UFD1: variants seen among roughly 807,000 people sequenced by gnomAD.
UFD1 encodes the protein ubiquitin recognition factor in ER-associated degradation protein 1.
Under a neutral mutation model 45.9 loss-of-function variants are expected in UFD1, and 13 were observed. The observed-to-expected ratio is 0.28, with a 90% confidence interval of 0.18 to 0.45. The LOEUF (loss-of-function observed/expected upper bound fraction) is 0.45. UFD1 is among the 20% of genes least tolerant of loss of function. UFD1 has a pLI of 1.00. For missense variants in UFD1, 218 were observed against 389.2 expected, an observed-to-expected ratio of 0.56 and a Z score of 3.70; for synonymous variants, 128 against 139.2, an observed-to-expected ratio of 0.92 and a Z score of 0.56.
Position 19,454,978 on chromosome 22 carries a change from G to A in UFD1, c.768-148C>T. 6 of 908,422 alleles carry A rather than the reference G, an allele frequency of 6.6e-6. No individual in the cohort carries two copies. In the South Asian group the frequency reaches 1.1e-4, roughly 16 times the overall value. The allele number at this position is 908,422 out of a possible 1,614,324, so 56.3% of individuals were successfully genotyped here. ...TTCCTGGCATCCTCCCAGGAGGGAA[G>A]CAGAAAGTAACTGACTTCTTGGTTT... On this transcript the variant is annotated intron_variant, in intron 10 of 11. Coordinates refer to ENST00000263202, the MANE Select transcript of UFD1 (RefSeq NM_005659.7).
intron 3 of UFD1, among the ~76,000 whole-genome samples, chr22:19,472,176 C>A (rs1329215276): frequency 6.6e-6 from 1 of 152,122 alleles, no homozygotes; most frequent in Non-Finnish European, 1.5e-5. Context: ...GCTGCAGGTG[C>A]TGTGGGAAGA....
At chr22:19,455,404 C>T (rs1229950724) in intron 10 of UFD1, among the ~76,000 whole-genome samples, 1 of 152,166 alleles carries the variant, frequency 6.6e-6, no homozygotes, top group African/African-American at 2.4e-5. Flanking sequence ...TCTAATCAGA[C>T]TCGCATCTTA....
At chr22:19,468,084 CCCGTCTTACTTGGGTCCTTGGAA>C in intron 4 of UFD1, 81 bp from the exon 5 acceptor site, 3 of 1,549,776 alleles carry the variant, frequency 1.9e-6, no homozygotes, top group Non-Finnish European at 2.6e-6. Context: ...ACTGGGCAGG[CCCGTCTTACTTGGGTCCTTGGAA>C]GAGGAACCTG....
In UFD1 at chr22:19,475,467, T is replaced by C; in HGVS notation, c.136+3A>G. 1 of 1,613,806 alleles carries C rather than the reference T, an allele frequency of 6.2e-7. No homozygotes were observed. The highest frequency in any genetic ancestry group is 8.5e-7 in the Non-Finnish European group (1 of 1,179,824). ...TACTATTCAAATAAAAACAAGCACA[T>C]ACTCTTCCCTCCTTTCTCCACATCT... On this transcript the variant is annotated splice_donor_region_variant and intron_variant, in intron 2 of 11. Coordinates refer to ENST00000263202, the MANE Select transcript of UFD1 (RefSeq NM_005659.7).
chr22:19,454,715 T>C, intron 11 of UFD1, 34 bp downstream of exon 11: 1 of 1,613,584 alleles, frequency 6.2e-7, no homozygotes, highest in Non-Finnish European at 8.5e-7. Flanking sequence ...ATCTCCTCAT[T>C]ACCAACCAAG....
chr22:19,449,939 T>A lies in UFD1; in HGVS notation c.*731A>T, dbSNP rs1179563527. ...GCTTGGATGATTTAATAAATTAAAA[T>A]TGGGAGTTGGGGAGTAGGGAAGAAG... On this transcript the variant is annotated 3_prime_UTR_variant, in exon 12 of 12. Transcript: ENST00000263202. The A allele has an allele frequency of 1.3e-5, 2 of 152,148 alleles. No homozygotes were observed. 9.4% of individuals were successfully genotyped at this position (152,148 alleles called of 1,614,324 possible). A position where few individuals can be genotyped will look rare whatever the true frequency, so the allele number is the denominator to read the frequency against.
intron 4 of UFD1, chr22:19,470,909 C>T (rs2089840129): frequency 2.2e-6 from 1 of 447,444 alleles, no homozygotes; most frequent in Non-Finnish European, 4.5e-6. Context: ...GCCCACAGCT[C>T]ACTGCGGGGT....
At chr22:19,452,977 A>C (rs1408639408) in intron 11 of UFD1, 11 of 939,046 alleles carry the variant, frequency 1.2e-5, no homozygotes, top group Non-Finnish European at 1.4e-5. Context: ...TGGGGAAACT[A>C]TTTCCCTGAT....
Position 19,454,850 on chromosome 22 carries a change from C to G in UFD1, c.768-20G>C. ...ATTCCTCTGTAAGAAGAGACAGAGACAGAGAAATGTTATTTCCAGGAAAAA... is the reference window on the plus strand; with the variant it reads ...ATTCCTCTGTAAGAAGAGACAGAGAGAGAGAAATGTTATTTCCAGGAAAAA... On this transcript the variant is annotated intron_variant, in intron 10 of 11. Transcript: ENST00000263202. 1 of 1,606,092 alleles carries G rather than the reference C, an allele frequency of 6.2e-7. No homozygotes were observed. Among genetic ancestry groups the G allele is most frequent in the Non-Finnish European group, 8.5e-7 (1 of 1,176,968 alleles).
chr22:19,451,920 C>T, intron 11 of UFD1: 1 of 985,438 alleles, frequency 1.0e-6, no homozygotes, highest in Non-Finnish European at 1.2e-6. Context: ...TTAGTGGGGG[C>T]TCCTTATTTC....
At chr22:19,460,918 A>AT (rs1326330376) in intron 6 of UFD1, among the ~76,000 whole-genome samples, 1 of 151,750 alleles carries the variant, frequency 6.6e-6, no homozygotes, top group South Asian at 2.1e-4. Flanking sequence ...TAATTTTAAA[A>AT]TTTTTTCATT....
chr22:19,451,070 G>A (rs1414096586), intron 11 of UFD1: 4 of 1,013,854 alleles, frequency 3.9e-6, no homozygotes, highest in Non-Finnish European at 4.7e-6. Flanking sequence ...AGCTATGATT[G>A]TGCCACTGCT....
chr22:19,465,802 C>A (rs2089797784), intron 5 of UFD1: 1 of 152,300 alleles, frequency 6.6e-6, no homozygotes, highest in Non-Finnish European at 1.5e-5. Context: ...TAGGTCCTCT[C>A]AAAAGTTCCT....
chr22:19,471,095 C>G (rs1323783994), intron 4 of UFD1: 1 of 451,124 alleles, frequency 2.2e-6, no homozygotes, highest in Non-Finnish European at 4.5e-6. Flanking sequence ...AGCACTGGCA[C>G]AGTTCTGCTC....
intron 3 of UFD1, among the ~76,000 whole-genome samples, chr22:19,473,719 CACT>C (rs2089862122): frequency 6.6e-6 from 1 of 152,206 alleles, no homozygotes; most frequent in African/African-American, 2.4e-5. Context: ...TTGTCACAGA[CACT>C]ACAGTACTTC....
chr22:19,471,574 C>T (rs548329869), intron 4 of UFD1, 113 bp downstream of exon 4: 110 of 1,464,116 alleles, frequency 7.5e-5, no homozygotes, highest in Admixed American at 2.7e-4. Flanking sequence ...CAGGCTAAGA[C>T]GCTGAGCAGG....
intron 6 of UFD1, among the ~76,000 whole-genome samples, chr22:19,460,497 T>G (rs2089758219): frequency 6.6e-6 from 1 of 152,296 alleles, no homozygotes; most frequent in South Asian, 2.1e-4. Context: ...TTTTAAACTA[T>G]GGGACCAATT....
chr22:19,476,415 C>T (rs1485039899), intron 1 of UFD1, among the ~76,000 whole-genome samples: 2 of 152,200 alleles, frequency 1.3e-5, no homozygotes, highest in South Asian at 2.1e-4. Context: ...AGTAGGTACA[C>T]GTTACACTAT....
chr22:19,451,564 G>T (rs916632282), intron 11 of UFD1: 1 of 985,208 alleles, frequency 1.0e-6, no homozygotes, highest in Admixed American at 6.1e-5. Flanking sequence ...TTGCTAGTCA[G>T]TCTGAGGCAT....
Sources: allele counts gnomAD v4.1 joint callset (sites outside exome capture counted in the v4.1 genomes callset), GRCh38; gene constraint gnomAD v4.1.1; transcripts MANE v1.5; gene names NCBI Gene and HGNC (gene_info 2026-07-23, HGNC 2026-07-21).